The following ROBO2 variants were observed in gnomAD, a reference collection of about 807,000 sequenced individuals.
ROBO2 encodes roundabout homolog 2.
In ROBO2, 53 loss-of-function variants were observed where a neutral mutation model predicts 160.8. That is an observed-to-expected ratio of 0.33 (90% CI 0.26 to 0.41). ROBO2 has a LOEUF of 0.41. Ranked by LOEUF, ROBO2 falls within the 10% of genes least tolerant of loss-of-function variation. The pLI, the probability that ROBO2 is intolerant of heterozygous loss-of-function variation, is 1.00. For synonymous variants in ROBO2, 664 were observed against 611.7 expected (o/e 1.09, Z -1.26); for missense variants, 1,577 against 1,722.4 (o/e 0.92, Z 1.49).
intron 2 of ROBO2, among the ~76,000 whole-genome samples, chr3:77,002,765 C>T (rs2061395127): frequency 1.3e-5 from 2 of 152,040 alleles, no homozygotes; most frequent in African/African-American, 4.8e-5. Flanking sequence ...GTTTATGTTA[C>T]CTTTTTATGT....
intron 2 of ROBO2, among the ~76,000 whole-genome samples, chr3:77,424,377 T>C (rs1307891188): frequency 6.6e-6 from 1 of 152,164 alleles, no homozygotes; most frequent in African/African-American, 2.4e-5. Context: ...TCAATGATTG[T>C]TCTGATGTCT....
At chr3:76,089,803 C>G (rs1321421468) in intron 2 of ROBO2, among the ~76,000 whole-genome samples, 2 of 152,046 alleles carry the variant, frequency 1.3e-5, no homozygotes, top group Non-Finnish European at 2.9e-5. Flanking sequence ...ACCACTCTTT[C>G]CAAGATCGTA....
intron 2 of ROBO2, among the ~76,000 whole-genome samples, chr3:76,440,394 T>C (rs1002559820): frequency 6.6e-6 from 1 of 151,816 alleles, no homozygotes; most frequent in African/African-American, 2.4e-5. Context: ...ATGCTATCCC[T>C]CCCCTCTCCC....
At chr3:76,984,716 T>C (rs2060279819) in intron 2 of ROBO2, among the ~76,000 whole-genome samples, 1 of 152,056 alleles carries the variant, frequency 6.6e-6, no homozygotes, top group South Asian at 2.1e-4. Flanking sequence ...CTCACATAAG[T>C]AGATTATAAG....
chr3:76,597,935 G>A (rs558713510), intron 2 of ROBO2, among the ~76,000 whole-genome samples: 47 of 151,718 alleles, frequency 3.1e-4, no homozygotes, highest in African/African-American at 1.1e-3. Flanking sequence ...TTTTAATCTC[G>A]GAAAGATAAA....
At chr3:76,092,043 G>A in intron 2 of ROBO2, among the ~76,000 whole-genome samples, 1 of 152,108 alleles carries the variant, frequency 6.6e-6, no homozygotes, top group East Asian at 1.9e-4. Context: ...AGAATGTACA[G>A]CATCTAGAGT....
At chr3:76,172,747 G>A (rs1349744675) in intron 2 of ROBO2, among the ~76,000 whole-genome samples, 1 of 151,870 alleles carries the variant, frequency 6.6e-6, no homozygotes, top group Admixed American at 6.6e-5. Flanking sequence ...CACTTCATGA[G>A]GTAAAAGTGA....
At chr3:76,939,621 G>A (rs189830405) in intron 2 of ROBO2, among the ~76,000 whole-genome samples, 5 of 152,068 alleles carry the variant, frequency 3.3e-5, no homozygotes, top group East Asian at 1.9e-4. Flanking sequence ...TCTATTAAAA[G>A]AATGTACAAA....
chr3:77,056,055 T>C (rs945844930), intron 1 of ROBO2, among the ~76,000 whole-genome samples: 2 of 152,188 alleles, frequency 1.3e-5, no homozygotes, highest in African/African-American at 4.8e-5. Context: ...AAAATTTCCT[T>C]CCGTGGGAAA....
At chr3:77,486,154 A>G (rs1048380353) in intron 4 of ROBO2, among the ~76,000 whole-genome samples, 3 of 152,078 alleles carry the variant, frequency 2.0e-5, no homozygotes, top group Non-Finnish European at 4.4e-5. Context: ...GTGTATTTGT[A>G]CCACATTTTC....
At chr3:76,794,022 A>G (rs1206789601) in intron 2 of ROBO2, among the ~76,000 whole-genome samples, 6 of 151,854 alleles carry the variant, frequency 4.0e-5, no homozygotes, top group Non-Finnish European at 8.8e-5. Context: ...TTGGGGTTCC[A>G]CCTTTCCCTG....
chr3:77,053,033 G>C (rs1259412466), intron 1 of ROBO2, among the ~76,000 whole-genome samples: 1 of 152,158 alleles, frequency 6.6e-6, no homozygotes, highest in African/African-American at 2.4e-5. Flanking sequence ...GGATTAAAAA[G>C]TGGTATTATT....
chr3:76,768,733 T>A (rs2061710120), intron 2 of ROBO2, among the ~76,000 whole-genome samples: 1 of 151,034 alleles, frequency 6.6e-6, no homozygotes, highest in South Asian at 2.1e-4. Flanking sequence ...ATCATATAAT[T>A]CTAGATAGTT....
chr3:76,231,032 C>G (rs1274312006), intron 2 of ROBO2, among the ~76,000 whole-genome samples: 1 of 152,074 alleles, frequency 6.6e-6, no homozygotes, highest in Admixed American at 6.5e-5. Flanking sequence ...CCCTCAGAGC[C>G]CGCGGAAAGA....
intron 2 of ROBO2, among the ~76,000 whole-genome samples, chr3:76,767,144 C>G (rs1264829240): frequency 6.6e-6 from 1 of 151,520 alleles, no homozygotes; most frequent in Non-Finnish European, 1.5e-5. Flanking sequence ...GCTAGCTTGT[C>G]TCCTTTGTAT....
At chr3:76,115,562 T>C (rs1389014254) in intron 2 of ROBO2, among the ~76,000 whole-genome samples, 1 of 152,090 alleles carries the variant, frequency 6.6e-6, no homozygotes, top group African/African-American at 2.4e-5. Flanking sequence ...TTCCATATGA[T>C]TATTATGAGA....
intron 2 of ROBO2, among the ~76,000 whole-genome samples, chr3:76,742,634 A>G (rs1057176171): frequency 6.6e-6 from 1 of 152,174 alleles, no homozygotes; most frequent in African/African-American, 2.4e-5. Flanking sequence ...CTTTGGAAAT[A>G]GGTTAGCTTT....
chr3:76,283,614 C>T (rs1442209250), intron 2 of ROBO2, among the ~76,000 whole-genome samples: 2 of 151,740 alleles, frequency 1.3e-5, no homozygotes, highest in Non-Finnish European at 2.9e-5. Flanking sequence ...TTCTTGTCAC[C>T]CAATTCCCAT....
At chr3:77,067,024 ACACT>A (rs1186220187) in intron 1 of ROBO2, among the ~76,000 whole-genome samples, 14 of 129,352 alleles carry the variant, frequency 1.1e-4, no homozygotes, top group African/African-American at 3.3e-4. Flanking sequence ...TCACACACAC[ACACT>A]CACACACACA....
Sources: gnomAD v4.1 joint callset for allele counts (sites outside exome capture counted in the v4.1 genomes callset) on GRCh38, gnomAD v4.1.1 for gene constraint, MANE v1.5 for transcripts, NCBI Gene and HGNC (gene_info 2026-07-23, HGNC 2026-07-21) for gene names.